The following KIAA1671 variants were observed in gnomAD, a reference collection of about 807,000 sequenced individuals.
The protein encoded by KIAA1671 is KIAA1671.
A neutral mutation model predicts 131.2 loss-of-function variants in KIAA1671; 52 were observed. That is an observed-to-expected ratio of 0.40 (90% CI 0.32 to 0.50). The LOEUF (loss-of-function observed/expected upper bound fraction) is 0.50. Among genes scored for constraint, KIAA1671 ranks in the 20% least tolerant of loss-of-function variants. The pLI is 0.73. For synonymous variants in KIAA1671, 1,003 were observed against 961.6 expected (o/e 1.04, Z -0.80); for missense variants, 2,360 against 2,364.2 (o/e 1.00, Z 0.04).
intron 8 of KIAA1671, chr22:25,177,138 G>A (rs1322668258): frequency 3.6e-6 from 2 of 556,918 alleles, no homozygotes; most frequent in Non-Finnish European, 6.3e-6. Flanking sequence ...TGTTCCACCT[G>A]ACTTTTGTCA....
At position 25,174,269 on chromosome 22, in the gene KIAA1671, C is replaced by T. The variant is rs1263191539; in HGVS notation, c.4679C>T (p.Ala1560Val). Residue 1560 changes from alanine (A) to valine (V), a missense_variant, in exon 8 of 13, where the codon GCC becomes GTC. This residue lies in a region of KIAA1671 where 1,161 missense variants were observed against 1,204.7 expected (regional missense o/e 0.96). Coordinates refer to ENST00000358431, the MANE Select transcript of KIAA1671 (RefSeq NM_001145206.2). ...SLATESPDSSATSTRKQPPSS... is the reference protein window; with the variant it reads ...SLATESPDSSVTSTRKQPPSS... ...GCCACTGAGTCCCCAGATAGCAGTGCCACATCGACAAGGAAACAGCCCCCC... is the reference window on the plus strand; with the variant it reads ...GCCACTGAGTCCCCAGATAGCAGTGTCACATCGACAAGGAAACAGCCCCCC... 1.3e-6 allele frequency: 2 copies of T among 1,551,718 alleles called. No individual in the cohort carries two copies. Among genetic ancestry groups the T allele is most frequent in the East Asian group, 4.9e-5 (2 of 40,914 alleles).
intron 6 of KIAA1671, among the ~76,000 whole-genome samples, chr22:25,166,641 C>T (rs1173325697): frequency 2.0e-5 from 3 of 152,202 alleles, no homozygotes; most frequent in Admixed American, 6.5e-5. Flanking sequence ...GTCATCATGA[C>T]GGTTCCCATC....
intron 6 of KIAA1671, among the ~76,000 whole-genome samples, chr22:25,151,832 A>G (rs907449660): frequency 6.6e-6 from 1 of 151,136 alleles, no homozygotes; most frequent in Admixed American, 6.6e-5. Flanking sequence ...TCTGCCTTTC[A>G]GGTTCAAGCA....
At chr22:25,128,672 TGCCCCA>T (rs1303203723) in intron 6 of KIAA1671, among the ~76,000 whole-genome samples, 2 of 152,128 alleles carry the variant, frequency 1.3e-5, no homozygotes, top group Non-Finnish European at 1.5e-5. Flanking sequence ...TTTCTGTGGG[TGCCCCA>T]GCCCCAGCCC....
At position 25,194,138 on chromosome 22, in the gene KIAA1671, A is replaced by AGTGC. The variant is rs1211821625; in HGVS notation, c.*1740_*1741insCGTG. 1 of 152,140 alleles carries AGTGC rather than the reference A, an allele frequency of 6.6e-6. No homozygotes were observed. Among genetic ancestry groups the AGTGC allele is most frequent in the African/African-American group, 2.4e-5 (1 of 41,394 alleles). 9.4% of individuals were successfully genotyped at this position (152,140 alleles called of 1,614,324 possible). Reference sequence around the variant, plus strand: ...TACTCTGTTGCTCAAGCTGGAGTGGAGTGGCACGATCATAGCTCACTAACA... The same window carrying AGTGC: ...TACTCTGTTGCTCAAGCTGGAGTGGAGTGCGTGGCACGATCATAGCTCACTAACA... On this transcript the variant is annotated 3_prime_UTR_variant, in exon 13 of 13. Transcript: ENST00000358431.
chr22:25,029,328 G>T lies in KIAA1671; in HGVS notation c.1329G>T (p.Leu443=). The T allele has an allele frequency of 6.5e-7, 1 of 1,546,608 alleles. No individual in the cohort carries two copies. The highest frequency in any genetic ancestry group is 1.4e-5 in the African/African-American group (1 of 73,056). ...GGAGTGTCAGGAAGTGCATCAGCCT[G>T]TTTCGGGAGGACAGCACCTTGGCCT... ...SRRSVRKCIS[L]FREDSTLALA... The change falls in exon 3 of 13, where the codon CTG becomes CTT. Residue 443 remains leucine (L), a synonymous_variant. Coordinates refer to ENST00000358431, the MANE Select transcript of KIAA1671 (RefSeq NM_001145206.2).
At position 25,032,626 on chromosome 22, in the gene KIAA1671, C is replaced by A. The variant is rs1926355172; in HGVS notation, c.1559C>A (p.Ser520Tyr). ...TGTACCAGGTTTTCAAGTTCAGCTT[C>A]CAGCAACGAAGTCAAATATGAGAAG... ...DLTKLFSSSASSNEVKYEKSA... is the reference protein window; with the variant it reads ...DLTKLFSSSAYSNEVKYEKSA... The change falls in exon 4 of 13, where the codon TCC becomes TAC. Residue 520 changes from serine (S) to tyrosine (Y), a missense_variant. This residue lies in a region of KIAA1671 where 1,185 missense variants were observed against 1,126.2 expected (regional missense o/e 1.05). Coordinates refer to ENST00000358431, the MANE Select transcript of KIAA1671 (RefSeq NM_001145206.2). 5.2e-6 allele frequency: 8 copies of A among 1,545,608 alleles called. No individual in the cohort carries two copies. In the South Asian group the frequency reaches 9.6e-5, roughly 18 times the overall value.
intron 1 of KIAA1671, among the ~76,000 whole-genome samples, chr22:24,958,647 T>C (rs1465794607): frequency 7.6e-6 from 1 of 132,162 alleles, no homozygotes. Context: ...CAAGACTCTG[T>C]CTCTTAAAAA....
rs560335220 is a variant in KIAA1671 at position 25,174,905 on chromosome 22, T to C, written c.4899+416T>C. On this transcript the variant is annotated intron_variant, in intron 8 of 12. Transcript: ENST00000358431. ...TTGCTCAGAATGATTCTGCTGAACG[T>C]TCTCACTAAGGTCTTGCTTGGTACA... 42 of 160,932 alleles carry C rather than the reference T, an allele frequency of 2.6e-4. No homozygotes were observed. The South Asian group carries it at 7.7e-3, about 30-fold the overall frequency. The allele number at this position is 160,932 out of a possible 1,614,324, so 10.0% of individuals were successfully genotyped here. A position where few individuals can be genotyped will look rare whatever the true frequency, so the allele number is the denominator to read the frequency against.
intron 6 of KIAA1671, among the ~76,000 whole-genome samples, chr22:25,072,492 C>T (rs774669954): frequency 7.9e-5 from 12 of 152,238 alleles, no homozygotes; most frequent in Non-Finnish European, 1.3e-4. Context: ...TTGCAAATTA[C>T]CCACAATTTC....
At chr22:25,083,389 C>T (rs1405026975) in intron 6 of KIAA1671, among the ~76,000 whole-genome samples, 1 of 151,662 alleles carries the variant, frequency 6.6e-6, no homozygotes, top group Non-Finnish European at 1.5e-5. Flanking sequence ...ATAATAGTCA[C>T]CTTTGATGTA....
chr22:25,179,628 C>T (rs1017773276), intron 9 of KIAA1671: 8 of 841,388 alleles, frequency 9.5e-6, no homozygotes, highest in Non-Finnish European at 1.5e-5. Flanking sequence ...AAAGTGGAAA[C>T]TGATTTCTTG....
At chr22:24,965,010 C>G (rs1352388250) in intron 1 of KIAA1671, among the ~76,000 whole-genome samples, 1 of 151,296 alleles carries the variant, frequency 6.6e-6, no homozygotes, top group Non-Finnish European at 1.5e-5. Flanking sequence ...AGTTCTTCTG[C>G]AGAAAGAAGA....
chr22:25,105,894 G>T (rs543727446), intron 6 of KIAA1671, among the ~76,000 whole-genome samples: 11 of 151,814 alleles, frequency 7.2e-5, no homozygotes, highest in Non-Finnish European at 4.4e-5. Flanking sequence ...TCTTTCTGCC[G>T]TGGTTTTTCC....
At chr22:25,161,209 G>T (rs942986658) in intron 6 of KIAA1671, among the ~76,000 whole-genome samples, 3 of 152,130 alleles carry the variant, frequency 2.0e-5, no homozygotes, top group Non-Finnish European at 4.4e-5. Context: ...TAAGCACTGA[G>T]AATTGTGACA....
intron 1 of KIAA1671, among the ~76,000 whole-genome samples, chr22:24,953,929 C>T (rs1320220975): frequency 6.6e-6 from 1 of 152,084 alleles, no homozygotes; most frequent in African/African-American, 2.4e-5. Flanking sequence ...AACACTTAAC[C>T]TATCTGAATC....
At chr22:25,175,423 C>T (rs1415738643) in intron 8 of KIAA1671, 3 of 152,160 alleles carry the variant, frequency 2.0e-5, no homozygotes, top group African/African-American at 7.2e-5. Flanking sequence ...AGAGGATTCT[C>T]CTTCAGTATA....
intron 6 of KIAA1671, among the ~76,000 whole-genome samples, chr22:25,154,681 G>A (rs1022499662): frequency 6.6e-6 from 1 of 152,182 alleles, no homozygotes; most frequent in Non-Finnish European, 1.5e-5. Context: ...TTTCCCTGGG[G>A]TGGGGTGTTC....
chr22:25,168,693 G>C (rs1182337450), intron 6 of KIAA1671, among the ~76,000 whole-genome samples: 4 of 150,690 alleles, frequency 2.7e-5, no homozygotes. Context: ...ACTCCATCTA[G>C]GGAAAAAAAA....
Sources: allele counts gnomAD v4.1 joint callset (sites outside exome capture counted in the v4.1 genomes callset), GRCh38; gene constraint gnomAD v4.1.1; regional missense constraint gnomAD v4.1.1; transcripts MANE v1.5; gene names NCBI Gene and HGNC (gene_info 2026-07-23, HGNC 2026-07-21).